The following TECPR2 variants were observed in gnomAD, a reference collection of about 807,000 sequenced individuals.
TECPR2 encodes the protein tectonin beta-propeller repeat containing 2.
Under a neutral mutation model 138.1 loss-of-function variants are expected in TECPR2, and 65 were observed. The ratio of observed to expected loss-of-function variants is 0.47; its 90% CI spans 0.39 to 0.58. The LOEUF (loss-of-function observed/expected upper bound fraction) is 0.58, where lower values mean the gene tolerates loss of function less well. Among genes scored for constraint, TECPR2 ranks in the 20% least tolerant of loss-of-function variants. The probability of loss-of-function intolerance (pLI) is 0.00; values close to 1 mark genes in which losing one functional copy is unlikely to be tolerated. For missense variants in TECPR2, 1,553 were observed against 1,824.5 expected, an observed-to-expected ratio of 0.85 and a Z score of 2.71; for synonymous variants, 746 against 749.8, an observed-to-expected ratio of 0.99 and a Z score of 0.08.
chr14:102,434,440 T>C lies in TECPR2; in HGVS notation c.1623T>C (p.Asn541=), dbSNP rs2139730648. The C allele has an allele frequency of 6.5e-7, 1 of 1,535,376 alleles. No homozygotes were observed. The highest frequency in any genetic ancestry group is 2.3e-5 in the East Asian group (1 of 44,276). Residue 541 remains asparagine (N), a synonymous_variant, in exon 9 of 20, where the codon AAT becomes AAC. Transcript: ENST00000359520. ...AAGTGAACGGTGTCCCACAGGAAAA[T>C]ACTGACCCCGAAACGTTTAATGTCC... is the stretch of plus-strand genomic sequence containing the variant. ...NGEVNGVPQE[N]TDPETFNVLE...
At chr14:102,428,051 G>T (rs1215607306) in intron 6 of TECPR2, among the ~76,000 whole-genome samples, 199 bp from the exon 7 acceptor site, 1 of 152,140 alleles carries the variant, frequency 6.6e-6, no homozygotes, top group East Asian at 1.9e-4. Context: ...CATGCCAGGG[G>T]ACCCCTCAGA....
chr14:102,432,002 C>A lies in TECPR2; in HGVS notation c.1291C>A (p.Pro431Thr), dbSNP rs1201031100. ...CCTGCCCCCTGGGCTCCAGGCCACC[C>A]CTGAGCTGGGCAAGGGCAGCCAGCC... ...GLLPPGLQAT[P>T]ELGKGSQPLS... The change falls in exon 8 of 20, where the codon CCT (proline) becomes ACT (threonine). Residue 431 changes from proline (P) to threonine (T), a missense_variant. Pro to Thr is a conservative substitution (Grantham distance 38). Transcript: ENST00000359520. 2 of 1,612,740 alleles carry A rather than the reference C, an allele frequency of 1.2e-6. No homozygotes were observed. Among genetic ancestry groups the A allele is most frequent in the African/African-American group, 2.7e-5 (2 of 74,894 alleles).
intron 10 of TECPR2, 160 bp downstream of exon 10, chr14:102,438,365 G>T (rs1268040467): frequency 7.0e-6 from 6 of 852,136 alleles, no homozygotes; most frequent in Non-Finnish European, 8.6e-6. Flanking sequence ...AACGTTTGAG[G>T]GGTTGTCTCC....
intron 16 of TECPR2, among the ~76,000 whole-genome samples, chr14:102,456,966 C>T (rs905520565): frequency 1.3e-5 from 2 of 152,090 alleles, no homozygotes; most frequent in Admixed American, 1.3e-4. Context: ...ACCTCCCCAG[C>T]CTTCACTATG....
chr14:102,466,419 C>T (rs1044398273), intron 17 of TECPR2, among the ~76,000 whole-genome samples: 9 of 152,326 alleles, frequency 5.9e-5, no homozygotes, highest in African/African-American at 1.9e-4. Flanking sequence ...TGTTTTCCCT[C>T]TGCACACGGT....
chr14:102,407,566 A>T, intron 3 of TECPR2, 100 bp downstream of exon 3: 1 of 1,444,286 alleles, frequency 6.9e-7, no homozygotes, highest in Non-Finnish European at 9.2e-7. Flanking sequence ...TTATGCTCAG[A>T]GAAAGCCGGG....
At chr14:102,455,064 G>A (rs1040949125) in intron 16 of TECPR2, among the ~76,000 whole-genome samples, 1 of 152,196 alleles carries the variant, frequency 6.6e-6, no homozygotes, top group African/African-American at 2.4e-5. Context: ...GTTTCTCTCG[G>A]GGAGAAACCT....
intron 3 of TECPR2, among the ~76,000 whole-genome samples, chr14:102,407,998 A>G (rs1235228759): frequency 6.6e-6 from 1 of 150,886 alleles, no homozygotes; most frequent in East Asian, 2.0e-4. Context: ...CTCCATCTAA[A>G]AAAAGAAAAA....
At chr14:102,450,533 C>T (rs1227530078) in intron 14 of TECPR2, 27 bp from the exon 15 acceptor site, 2 of 1,609,978 alleles carry the variant, frequency 1.2e-6, no homozygotes, top group East Asian at 2.2e-5. Context: ...CTTTCTTTAA[C>T]ACATTCTTCC....
At chr14:102,476,614 C>T (rs894165081) in intron 17 of TECPR2, among the ~76,000 whole-genome samples, 16 of 151,762 alleles carry the variant, frequency 1.1e-4, no homozygotes, top group Non-Finnish European at 1.9e-4. Context: ...AGTGGCCTCA[C>T]GTAAATGAAA....
intron 7 of TECPR2, 132 bp from the exon 8 acceptor site, chr14:102,431,664 T>C: frequency 1.0e-6 from 1 of 971,186 alleles, no homozygotes; most frequent in East Asian, 2.5e-5. Flanking sequence ...TTTCTATGAA[T>C]TTAGAATCAT....
In TECPR2 at chr14:102,438,477, G is replaced by A. The variant is rs1009795118; in HGVS notation, c.2578+272G>A. ...TTAATTGCAATGGTAAGCTCTGATC[G>A]TATTTTTGTAAGCTAGACAAAAAGT... On this transcript the variant is annotated intron_variant, in intron 10 of 19. Transcript: ENST00000359520. The A allele has an allele frequency of 1.3e-4, 47 of 358,618 alleles. No individual in the cohort carries two copies. In the East Asian group the frequency reaches 2.0e-3, roughly 15 times the overall value. 22.2% of individuals were successfully genotyped at this position (358,618 alleles called of 1,614,324 possible). A position where few individuals can be genotyped will look rare whatever the true frequency, so the allele number is the denominator to read the frequency against.
chr14:102,411,402 G>A (rs1387262975), intron 4 of TECPR2, among the ~76,000 whole-genome samples: 2 of 152,230 alleles, frequency 1.3e-5, no homozygotes, highest in Non-Finnish European at 2.9e-5. Context: ...AATATGCCCT[G>A]CCCCGCCTTA....
At chr14:102,378,478 T>C (rs1887700983) in intron 2 of TECPR2, among the ~76,000 whole-genome samples, 1 of 152,184 alleles carries the variant, frequency 6.6e-6, no homozygotes, top group South Asian at 2.1e-4. Context: ...ACAAAAACTC[T>C]CTGAGGCAGA....
rs1185326230 is a variant in TECPR2, at chr14:102,501,356, TA to T, written c.*3101del. The T allele has an allele frequency of 1.6e-4, 24 of 152,078 alleles. No individual in the cohort carries two copies. Among genetic ancestry groups the T allele is most frequent in the Admixed American group, 5.2e-4 (8 of 15,254 alleles). The allele number at this position is 152,078 out of a possible 1,614,324, so 9.4% of individuals were successfully genotyped here. ...TGATAGGACAAGCTACAGAGGAAAA[TA>T]AGTACATAGATTTGATTTCTCCAAA... On this transcript the variant is annotated 3_prime_UTR_variant, in exon 20 of 20. Coordinates refer to ENST00000359520, the MANE Select transcript of TECPR2 (RefSeq NM_014844.5).
At chr14:102,385,555 C>T (rs1351703753) in intron 2 of TECPR2, among the ~76,000 whole-genome samples, 1 of 152,140 alleles carries the variant, frequency 6.6e-6, no homozygotes, top group African/African-American at 2.4e-5. Context: ...GCAGCATCCA[C>T]AGGCTGTACC....
intron 1 of TECPR2, among the ~76,000 whole-genome samples, chr14:102,363,788 C>T (rs1887263082): frequency 6.6e-6 from 1 of 152,204 alleles, no homozygotes. Context: ...AGAATAGTTT[C>T]TACCTCTGGC....
chr14:102,381,261 G>A (rs570973988), intron 2 of TECPR2, among the ~76,000 whole-genome samples: 3 of 152,282 alleles, frequency 2.0e-5, no homozygotes, highest in South Asian at 2.1e-4. Context: ...GCGCCTGGCC[G>A]ATAGTAGCAC....
chr14:102,459,704 G>T (rs1292812278), intron 16 of TECPR2, among the ~76,000 whole-genome samples: 2 of 152,160 alleles, frequency 1.3e-5, no homozygotes, highest in African/African-American at 2.4e-5. Flanking sequence ...GGAGGTGGAG[G>T]TTACAAAGAT....
Sources: gnomAD v4.1 joint callset for allele counts (sites outside exome capture counted in the v4.1 genomes callset) on GRCh38, gnomAD v4.1.1 for gene constraint, MANE v1.5 for transcripts, NCBI Gene and HGNC (gene_info 2026-07-23, HGNC 2026-07-21) for gene names.